The following ZNRF3 variants were observed in gnomAD, a reference collection of about 807,000 sequenced individuals.
ZNRF3 encodes zinc and ring finger 3.
In ZNRF3, 23 loss-of-function variants were observed where a neutral mutation model predicts 72.5. That is an observed-to-expected ratio of 0.32 (90% confidence interval 0.23 to 0.45). ZNRF3 has a LOEUF of 0.45. Among genes scored for constraint, ZNRF3 ranks in the 20% least tolerant of loss-of-function variants. The pLI is 1.00. For missense variants in ZNRF3, 1,169 were observed against 1,272.1 expected, an observed-to-expected ratio of 0.92 and a Z score of 1.23; for synonymous variants, 610 against 545.3, an observed-to-expected ratio of 1.12 and a Z score of -1.65.
intron 2 of ZNRF3, among the ~76,000 whole-genome samples, chr22:29,023,516 A>T (rs2036573772): frequency 6.6e-6 from 1 of 152,186 alleles, no homozygotes; most frequent in South Asian, 2.1e-4. Context: ...CCAGGAGTGG[A>T]GAAGCAGGCT....
At chr22:29,036,191 A>T (rs1379312168) in intron 2 of ZNRF3, among the ~76,000 whole-genome samples, 2 of 152,256 alleles carry the variant, frequency 1.3e-5, no homozygotes, top group Non-Finnish European at 2.9e-5. Context: ...TATCATGCAC[A>T]TATTACCCTT....
chr22:28,937,193 ATATATATATATATATATATATATT>A (rs2034839850), intron 1 of ZNRF3, among the ~76,000 whole-genome samples: 1 of 21,708 alleles, frequency 4.6e-5, no homozygotes, highest in African/African-American at 1.3e-4. Context: ...ATATATATAT[ATATATATATATATATATATATATT>A]TTTTTTTTTT....
intron 1 of ZNRF3, among the ~76,000 whole-genome samples, chr22:28,915,774 A>C (rs905316854): frequency 1.3e-5 from 2 of 152,238 alleles, no homozygotes; most frequent in African/African-American, 4.8e-5. Context: ...CAGACTGTAC[A>C]GTTTCAGTAA....
At chr22:28,976,141 G>A (rs1476139744) in intron 1 of ZNRF3, among the ~76,000 whole-genome samples, 1 of 152,162 alleles carries the variant, frequency 6.6e-6, no homozygotes, top group African/African-American at 2.4e-5. Context: ...TAAAGGAATT[G>A]ACTTAGCTCA....
At chr22:29,046,591 A>G in intron 5 of ZNRF3, 125 bp from the exon 6 acceptor site, 1 of 1,118,956 alleles carries the variant, frequency 8.9e-7, no homozygotes, top group East Asian at 2.7e-5. Flanking sequence ...GCGACTTCTC[A>G]GAAGTCTGTT....
At chr22:28,903,546 G>T (rs1486321829) in intron 1 of ZNRF3, among the ~76,000 whole-genome samples, 4 of 152,130 alleles carry the variant, frequency 2.6e-5, no homozygotes, top group African/African-American at 9.7e-5. Flanking sequence ...AAATGGGAAT[G>T]ATTGGAGAGC....
chr22:28,975,138 G>T (rs1313923961), intron 1 of ZNRF3, among the ~76,000 whole-genome samples: 1 of 152,072 alleles, frequency 6.6e-6, no homozygotes, highest in Non-Finnish European at 1.5e-5. Flanking sequence ...TACTACTTTG[G>T]CTGGGTGCAG....
chr22:28,897,810 C>G, intron 1 of ZNRF3, among the ~76,000 whole-genome samples: 1 of 152,194 alleles, frequency 6.6e-6, no homozygotes, highest in Admixed American at 6.5e-5. Context: ...CACTCCATCT[C>G]CCTATTGTCT....
At chr22:28,933,618 A>G (rs141008533) in intron 1 of ZNRF3, among the ~76,000 whole-genome samples, 1 of 152,264 alleles carries the variant, frequency 6.6e-6, no homozygotes, top group East Asian at 1.9e-4. Flanking sequence ...GGCCACATCA[A>G]AGGAAGATTC....
chr22:28,946,255 A>T (rs2035050654), intron 1 of ZNRF3, among the ~76,000 whole-genome samples: 1 of 152,214 alleles, frequency 6.6e-6, no homozygotes, highest in Non-Finnish European at 1.5e-5. Flanking sequence ...AAAGCTAAGG[A>T]CTTAATAGAT....
At chr22:29,036,675 C>T (rs2036873073) in intron 2 of ZNRF3, among the ~76,000 whole-genome samples, 1 of 152,124 alleles carries the variant, frequency 6.6e-6, no homozygotes, top group Admixed American at 6.5e-5. Flanking sequence ...TCTTCATAAT[C>T]TTTATATTCT....
rs555071530 is a variant in ZNRF3 at position 28,998,293 on chromosome 22, C to T, written c.426+11092C>T. Among the ~76,000 whole-genome samples the T allele has an allele frequency of 8.0e-5, 12 of 149,788 alleles. No homozygotes were observed. The South Asian group carries it at 1.7e-3, about 21-fold the overall frequency. On this transcript the variant is annotated intron_variant, in intron 2 of 8. Transcript: ENST00000544604. ...CAGCCTGGGCGACAGAGCGAGACTC[C>T]GTCAAAAAAAAAAAAGTATGTAAAG... is the stretch of plus-strand genomic sequence containing the variant.
rs149191806 is a variant in ZNRF3, at chr22:29,052,401, C to A, written c.2768-1178C>A. 5.3e-5 allele frequency among the ~76,000 whole-genome samples: 8 copies of A among 152,256 alleles called. No homozygotes were observed. The East Asian group carries it at 1.5e-3, about 29-fold the overall frequency. Reference sequence around the variant, plus strand: ...AATGACTTGCCATTACCTTTAAAATCTTAAAAATGTTGGCCGGGTGCGGTG... The same window carrying A: ...AATGACTTGCCATTACCTTTAAAATATTAAAAATGTTGGCCGGGTGCGGTG... On this transcript the variant is annotated intron_variant, in intron 8 of 8. Transcript: ENST00000544604.
chr22:29,044,021 G>T (rs1238318321), intron 4 of ZNRF3, among the ~76,000 whole-genome samples: 1 of 152,212 alleles, frequency 6.6e-6, no homozygotes, highest in Non-Finnish European at 1.5e-5. Flanking sequence ...CAAACCTCAA[G>T]CTGAAGAATT....
intron 5 of ZNRF3, among the ~76,000 whole-genome samples, chr22:29,045,362 C>CAA (rs59285656): frequency 1.3e-3 from 130 of 97,472 alleles, no homozygotes; most frequent in African/African-American, 4.0e-3. Context: ...CCCTGTCTCA[C>CAA]AAAAAAAAAA....
At chr22:28,965,549 C>G (rs2035444747) in intron 1 of ZNRF3, among the ~76,000 whole-genome samples, 1 of 152,224 alleles carries the variant, frequency 6.6e-6, no homozygotes, top group African/African-American at 2.4e-5. Flanking sequence ...CACGTTCCCA[C>G]ACTTTGCTGC....
chr22:28,973,281 T>C (rs1358685901), intron 1 of ZNRF3, among the ~76,000 whole-genome samples: 1 of 152,194 alleles, frequency 6.6e-6, no homozygotes, highest in African/African-American at 2.4e-5. Flanking sequence ...TGCCTGGCCT[T>C]TTTTACACTT....
rs2037122985 is a variant in ZNRF3 at position 29,048,866 on chromosome 22, G to C, written c.1016-331G>C. The stretch of plus-strand genomic sequence containing the variant: ...GAGTGTGCAGAGGCCAGCTTGGGCT[G>C]TTGCTCCTGCATCACTGTGTCATTA... On this transcript the variant is annotated intron_variant, in intron 7 of 8. Coordinates refer to ENST00000544604, the MANE Select transcript of ZNRF3 (RefSeq NM_001206998.2). This position sits in a 1 kb window ranked among gnomAD's most constrained non-coding sequence, Gnocchi z 4.9. Among the ~76,000 whole-genome samples, 1 of 152,166 alleles carries C rather than the reference G, an allele frequency of 6.6e-6. No homozygotes were observed. Among genetic ancestry groups the C allele is most frequent in the Non-Finnish European group, 1.5e-5 (1 of 68,020 alleles).
In ZNRF3 at chr22:28,980,953, G is replaced by T. The variant is rs143629544; in HGVS notation, c.301-6123G>T. Among the ~76,000 whole-genome samples the T allele has an allele frequency of 7.5e-3, 1,143 of 152,238 alleles. 20 individuals are homozygous for T. The highest frequency in any genetic ancestry group is 0.027 in the African/African-American group (1,104 of 41,536). ...AATAAGGCAAAAACATAAATGTCAA[G>T]CATCTGACTAGGAAAGCCCTACCCA... On this transcript the variant is annotated intron_variant, in intron 1 of 8. Coordinates refer to ENST00000544604, the MANE Select transcript of ZNRF3 (RefSeq NM_001206998.2).
Sources: gnomAD v4.1 joint callset for allele counts (sites outside exome capture counted in the v4.1 genomes callset) on GRCh38, gnomAD v4.1.1 for gene constraint, Gnocchi (gnomAD v3.1) non-coding constraint, MANE v1.5 for transcripts, NCBI Gene and HGNC (gene_info 2026-07-23, HGNC 2026-07-21) for gene names.